EEIG2: variants seen among roughly 807,000 people sequenced by gnomAD.
The protein encoded by EEIG2 is EEIG family member 2, also known as family with sequence similarity 102 member B.
At chr1:108,595,714 G>A in the EEIG2 span, among the ~76,000 whole-genome samples, 3 of 150,910 alleles carry the variant, frequency 2.0e-5, no homozygotes, top group African/African-American at 7.3e-5. Context: ...CCAAGGGAAG[G>A]AAGGGAGGGA....
the EEIG2 span, among the ~76,000 whole-genome samples, chr1:108,610,116 G>A: frequency 6.6e-6 from 1 of 152,100 alleles, no homozygotes; most frequent in African/African-American, 2.4e-5. Flanking sequence ...CCAGAGAAAT[G>A]GTTCAATAGC....
the EEIG2 span, among the ~76,000 whole-genome samples, chr1:108,575,943 GATATGAT>G: frequency 1.8e-5 from 2 of 113,976 alleles, no homozygotes; most frequent in African/African-American, 9.8e-5. Context: ...CTTAAAATGA[GATATGAT>G]ATGTGAATGA....
At chr1:108,634,222 T>A in the EEIG2 span, among the ~76,000 whole-genome samples, 1 of 152,266 alleles carries the variant, frequency 6.6e-6, no homozygotes, top group African/African-American at 2.4e-5. Context: ...AAATTCTGAT[T>A]TTCTGTAGGA....
At chr1:108,575,904 CAA>C in the EEIG2 span, among the ~76,000 whole-genome samples, 4 of 151,970 alleles carry the variant, frequency 2.6e-5, no homozygotes, top group African/African-American at 2.4e-5. Context: ...GTTTCACAAA[CAA>C]TATACTAAAA....
chr1:108,592,590 A>C, the EEIG2 span, among the ~76,000 whole-genome samples: 2 of 152,144 alleles, frequency 1.3e-5, no homozygotes, highest in African/African-American at 4.8e-5. Context: ...ATTGCCCAGG[A>C]AGTGAATCAG....
the EEIG2 span, among the ~76,000 whole-genome samples, chr1:108,592,407 C>T: frequency 6.6e-6 from 1 of 152,228 alleles, no homozygotes; most frequent in Non-Finnish European, 1.5e-5. Flanking sequence ...GTTTGCACAT[C>T]ATGAGGTAAT....
chr1:108,624,506 C>T, the EEIG2 span: 1 of 540,360 alleles, frequency 1.9e-6, no homozygotes, highest in South Asian at 4.2e-5. Flanking sequence ...ACGTTATTTG[C>T]TGATCTTTGT....
chr1:108,602,376 C>G, the EEIG2 span, among the ~76,000 whole-genome samples: 1 of 152,122 alleles, frequency 6.6e-6, no homozygotes, highest in Non-Finnish European at 1.5e-5. Flanking sequence ...GGGGGAGAAA[C>G]TCTCACACCT....
the EEIG2 span, among the ~76,000 whole-genome samples, chr1:108,568,308 A>C: frequency 6.6e-6 from 1 of 152,128 alleles, no homozygotes; most frequent in African/African-American, 2.4e-5. Flanking sequence ...GGGGAAGTAG[A>C]TCATGTTTTA....
chr1:108,616,869 T>G, the EEIG2 span, among the ~76,000 whole-genome samples: 1 of 152,124 alleles, frequency 6.6e-6, no homozygotes, highest in African/African-American at 2.4e-5. Context: ...AGTAAATATA[T>G]AATATACAAA....
the EEIG2 span, chr1:108,612,084 C>A: frequency 1.3e-6 from 1 of 785,440 alleles, no homozygotes; most frequent in Non-Finnish European, 2.0e-6. Flanking sequence ...TTGGAGAAAA[C>A]CTGTCTAGGG....
the EEIG2 span, chr1:108,636,039 A>C: frequency 1.3e-5 from 2 of 152,224 alleles, no homozygotes; most frequent in Admixed American, 6.5e-5. Context: ...ATTCAGACTT[A>C]TCTGAGGCTA....
At chr1:108,586,314 GGTGTGTGTGT>G in the EEIG2 span, among the ~76,000 whole-genome samples, 10,827 of 147,940 alleles carry the variant, frequency 0.073, 429 homozygotes, top group South Asian at 0.16. Flanking sequence ...TACGCAGAGG[GGTGTGTGTGT>G]GTGTGTGTGT....
At chr1:108,583,135 C>G in the EEIG2 span, among the ~76,000 whole-genome samples, 2 of 151,950 alleles carry the variant, frequency 1.3e-5, no homozygotes, top group African/African-American at 4.8e-5. Context: ...AAATTACATA[C>G]ATAATTTTTT....
the EEIG2 span, chr1:108,624,601 T>C: frequency 2.6e-6 from 4 of 1,568,454 alleles, no homozygotes; most frequent in Middle Eastern, 1.7e-4. Flanking sequence ...ATTGTAAACT[T>C]TGAGGCTCCC....
At chr1:108,606,949 C>T in the EEIG2 span, among the ~76,000 whole-genome samples, 1 of 152,198 alleles carries the variant, frequency 6.6e-6, no homozygotes, top group African/African-American at 2.4e-5. Context: ...AGGCGTTAAC[C>T]ACCATGCCTA....
the EEIG2 span, among the ~76,000 whole-genome samples, chr1:108,604,865 CAAAAAA>C: frequency 3.4e-5 from 3 of 88,230 alleles, no homozygotes; most frequent in African/African-American, 1.2e-4. Context: ...CCCACCTCTC[CAAAAAA>C]AAAAAAAAAA....
At chr1:108,594,574 A>G in the EEIG2 span, among the ~76,000 whole-genome samples, 1 of 152,134 alleles carries the variant, frequency 6.6e-6, no homozygotes, top group Non-Finnish European at 1.5e-5. Flanking sequence ...CTCCCCATAT[A>G]GTTGCTTTGA....
chr1:108,583,969 G>A, the EEIG2 span, among the ~76,000 whole-genome samples: 1 of 152,086 alleles, frequency 6.6e-6, no homozygotes, highest in African/African-American at 2.4e-5. Flanking sequence ...GTAGAGAGAT[G>A]GGGTAATATG....
Sources: allele counts gnomAD v4.1 joint callset (sites outside exome capture counted in the v4.1 genomes callset), GRCh38; gene constraint gnomAD v4.1.1; transcripts MANE v1.5; gene names NCBI Gene and HGNC (gene_info 2026-07-23, HGNC 2026-07-21).